FGF12: variants seen among roughly 807,000 people sequenced by gnomAD.
The protein encoded by FGF12 is fibroblast growth factor 12.
Under a neutral mutation model 23.6 loss-of-function variants are expected in FGF12, and 14 were observed. That is an observed-to-expected ratio of 0.59 (90% CI 0.39 to 0.93). The LOEUF (loss-of-function observed/expected upper bound fraction) is 0.93, where lower values mean the gene tolerates loss of function less well. Among genes scored for constraint, FGF12 ranks in the 40% least tolerant of loss-of-function variants. FGF12 has a pLI of 0.00. For synonymous variants in FGF12, 62 were observed against 77.3 expected (o/e 0.80, Z 1.04); for missense variants, 175 against 217.8 (o/e 0.80, Z 1.24).
rs1364893937 is a variant in FGF12 at position 192,320,810 on chromosome 3, A to G, written c.228+14551T>C. Among the ~76,000 whole-genome samples, 3 of 152,130 alleles carry G rather than the reference A, an allele frequency of 2.0e-5. No individual in the cohort carries two copies. In the East Asian group the frequency reaches 5.8e-4, roughly 29 times the overall value. ...TACCCAAATCTATAGGATACAGTGA[A>G]AGCAATATTAAGAGGAAAGCTGATA... On this transcript the variant is annotated intron_variant, in intron 4 of 5. Transcript: ENST00000445105.
rs940453103 is a variant in FGF12, at chr3:192,671,786, C to T, written c.13+55395G>A. ...TTGTGCTTCTTGACCAACACACACA[C>T]ACACACACACACACACATACACACA... On this transcript the variant is annotated intron_variant, in intron 2 of 5. Coordinates refer to ENST00000445105, the MANE Select transcript of FGF12 (RefSeq NM_004113.6). Among the ~76,000 whole-genome samples, 1,500 of 151,790 alleles carry T rather than the reference C, an allele frequency of 9.9e-3. 27 individuals are homozygous for T. The highest frequency in any genetic ancestry group is 0.034 in the African/African-American group (1,419 of 41,414).
At chr3:192,196,265 G>A (rs1717062845) in intron 4 of FGF12, among the ~76,000 whole-genome samples, 1 of 150,074 alleles carries the variant, frequency 6.7e-6, no homozygotes, top group Non-Finnish European at 1.5e-5. Flanking sequence ...ATGGACGGAT[G>A]AAAAAAGAGT....
At chr3:192,210,044 A>G (rs1008212042) in intron 4 of FGF12, among the ~76,000 whole-genome samples, 1 of 152,202 alleles carries the variant, frequency 6.6e-6, no homozygotes, top group Non-Finnish European at 1.5e-5. Flanking sequence ...TTAACTTCCC[A>G]CTTTAAACAA....
intron 2 of FGF12, among the ~76,000 whole-genome samples, chr3:192,611,408 C>A (rs1714544577): frequency 6.6e-6 from 1 of 152,012 alleles, no homozygotes; most frequent in Non-Finnish European, 1.5e-5. Flanking sequence ...ATACTGTTTG[C>A]ATTAGCATGT....
chr3:192,470,739 G>A (rs891801043), intron 2 of FGF12, among the ~76,000 whole-genome samples: 8 of 152,120 alleles, frequency 5.3e-5, no homozygotes, highest in South Asian at 2.1e-4. Flanking sequence ...ATCAGGGTAC[G>A]TCAGTTATTC....
At chr3:192,568,109 AG>A (rs1712425773) in intron 2 of FGF12, among the ~76,000 whole-genome samples, 1 of 152,132 alleles carries the variant, frequency 6.6e-6, no homozygotes. Context: ...CTGAGATTAC[AG>A]GTGTGAGCAC....
At chr3:192,290,132 G>A (rs969704092) in intron 4 of FGF12, among the ~76,000 whole-genome samples, 1 of 152,058 alleles carries the variant, frequency 6.6e-6, no homozygotes, top group African/African-American at 2.4e-5. Flanking sequence ...TTGCACAGCA[G>A]GGTGATTATA....
chr3:192,167,772 A>ATTTTTT (rs368951795), intron 5 of FGF12, among the ~76,000 whole-genome samples: 5 of 15,396 alleles, frequency 3.2e-4, no homozygotes, highest in African/African-American at 1.1e-3. Context: ...TATATATAAA[A>ATTTTTT]TTTTTTTTTT....
At chr3:192,180,969 G>A (rs1354338806) in intron 4 of FGF12, among the ~76,000 whole-genome samples, 1 of 152,154 alleles carries the variant, frequency 6.6e-6, no homozygotes, top group African/African-American at 2.4e-5. Context: ...GTTCGAGATT[G>A]CTAAGGTGAC....
chr3:192,143,330 T>C lies in FGF12; in HGVS notation c.*679A>G, dbSNP rs1350541061. The C allele has an allele frequency of 1.3e-5, 2 of 152,072 alleles. No individual in the cohort carries two copies. The highest frequency in any genetic ancestry group is 2.4e-5 in the African/African-American group (1 of 41,438). The allele number at this position is 152,072 out of a possible 1,614,324, so 9.4% of individuals were successfully genotyped here. A position where few individuals can be genotyped will look rare whatever the true frequency, so the allele number is the denominator to read the frequency against. ...CATTTTTGTGAAAGAATTAAACTCA[T>C]TAAGGCTATTCGATGCCATACAAGA... On this transcript the variant is annotated 3_prime_UTR_variant, in exon 6 of 6. Transcript: ENST00000445105.
intron 2 of FGF12, among the ~76,000 whole-genome samples, chr3:192,588,997 G>T (rs1193041072): frequency 6.6e-6 from 1 of 151,920 alleles, no homozygotes; most frequent in East Asian, 1.9e-4. Flanking sequence ...GAGGTCGCTA[G>T]AAACTGTATC....
At chr3:192,502,815 C>T (rs1724171026) in intron 2 of FGF12, among the ~76,000 whole-genome samples, 1 of 152,238 alleles carries the variant, frequency 6.6e-6, no homozygotes, top group Admixed American at 6.5e-5. Flanking sequence ...ATCCATTATG[C>T]ATATCTAGGC....
chr3:192,300,324 C>T (rs532370350), intron 4 of FGF12, among the ~76,000 whole-genome samples: 1 of 152,178 alleles, frequency 6.6e-6, no homozygotes, highest in South Asian at 2.1e-4. Context: ...TGGATATTTG[C>T]TGGACATATC....
intron 2 of FGF12, among the ~76,000 whole-genome samples, chr3:192,659,798 T>C (rs1302540364): frequency 6.6e-6 from 1 of 152,136 alleles, no homozygotes; most frequent in East Asian, 1.9e-4. Flanking sequence ...CCACATCCTC[T>C]CCAGTACCTG....
chr3:192,353,229 C>A (rs905995968), intron 3 of FGF12, among the ~76,000 whole-genome samples: 1 of 152,122 alleles, frequency 6.6e-6, no homozygotes, highest in Non-Finnish European at 1.5e-5. Flanking sequence ...GGTTAAGGAG[C>A]TCCAATAAGA....
chr3:192,375,670 C>A (rs1719457654), intron 2 of FGF12, among the ~76,000 whole-genome samples: 1 of 147,382 alleles, frequency 6.8e-6, no homozygotes, highest in Admixed American at 6.8e-5. Flanking sequence ...ACCCCTCTTT[C>A]CCCCCAGACT....
At chr3:192,695,891 A>T (rs577059986) in intron 2 of FGF12, among the ~76,000 whole-genome samples, 13 of 152,188 alleles carry the variant, frequency 8.5e-5, no homozygotes, top group African/African-American at 2.9e-4. Flanking sequence ...TTAAGGTCAG[A>T]AGTTCAAGAC....
At chr3:192,537,852 C>A (rs1002848609) in intron 2 of FGF12, among the ~76,000 whole-genome samples, 1 of 151,582 alleles carries the variant, frequency 6.6e-6, no homozygotes, top group African/African-American at 2.4e-5. Context: ...TGGGGTATTA[C>A]TCAAGAAATT....
At chr3:192,368,726 A>T (rs944890161) in intron 2 of FGF12, among the ~76,000 whole-genome samples, 19 of 152,006 alleles carry the variant, frequency 1.2e-4, no homozygotes, top group African/African-American at 4.1e-4. Context: ...GACCATGCCC[A>T]TTCACTCATG....
Sources: allele counts gnomAD v4.1 joint callset (sites outside exome capture counted in the v4.1 genomes callset), GRCh38; gene constraint gnomAD v4.1.1; transcripts MANE v1.5; gene names NCBI Gene and HGNC (gene_info 2026-07-23, HGNC 2026-07-21).